Variants in TXNDC5 observed in about 807,000 individuals in gnomAD.
TXNDC5 encodes thioredoxin domain containing 5, also known as thioredoxin domain-containing protein 5.
In TXNDC5, 44 loss-of-function variants were observed where a neutral mutation model predicts 52.6. The observed-to-expected ratio is 0.84, with a 90% CI of 0.66 to 1.08. The LOEUF (loss-of-function observed/expected upper bound fraction) is 1.08. TXNDC5 is among the 50% of genes least tolerant of loss of function. The pLI is 0.00. For missense variants in TXNDC5, 600 were observed against 565.5 expected, an observed-to-expected ratio of 1.06 and a Z score of -0.62; for synonymous variants, 241 against 234.4, an observed-to-expected ratio of 1.03 and a Z score of -0.26.
intron 2 of TXNDC5, among the ~76,000 whole-genome samples, chr6:7,903,710 C>T (rs1760643616): frequency 1.3e-5 from 2 of 152,186 alleles, no homozygotes; most frequent in African/African-American, 4.8e-5. Flanking sequence ...GACTTCATTC[C>T]TCAATTGAAA....
Position 7,910,498 on chromosome 6 carries a change from G to T in TXNDC5, c.263+16C>A. ...GCGCCAAGTGCGGGGCAGGGCGCCG[G>T]CCTGCGCGGCGTTACCAGGGCGCGA... On this transcript the variant is annotated intron_variant, in intron 1 of 9. Coordinates refer to ENST00000379757, the MANE Select transcript of TXNDC5 (RefSeq NM_030810.5). The T allele has an allele frequency of 7.0e-7, 1 of 1,426,760 alleles. No individual in the cohort carries two copies. The highest frequency in any genetic ancestry group is 9.3e-7 in the Non-Finnish European group (1 of 1,077,476). The allele number at this position is 1,426,760 out of a possible 1,614,324, so 88.4% of individuals were successfully genotyped here.
rs1581300635 is a variant in TXNDC5 at position 7,881,910 on chromosome 6, G to C, written c.*1234C>G. The stretch of plus-strand genomic sequence containing the variant: ...TATGGGAAGTAGCTCGATGGTAAAA[G>C]GACAAACACCTATCTATCTTAGAGC... On this transcript the variant is annotated 3_prime_UTR_variant, in exon 10 of 10. Transcript: ENST00000379757. The C allele has an allele frequency of 7.0e-6, 1 of 142,416 alleles. No homozygotes were observed. Among genetic ancestry groups the C allele is most frequent in the East Asian group, 2.0e-4 (1 of 5,118 alleles). The allele number at this position is 142,416 out of a possible 1,614,324, so 8.8% of individuals were successfully genotyped here.
Position 7,883,232 on chromosome 6 carries a change from C to CA in TXNDC5, c.1210_1211insT (p.Gly404ValfsTer7), listed in dbSNP as rs769574071. The CA allele has an allele frequency of 5.0e-6, 8 of 1,614,074 alleles. No individual in the cohort carries two copies. In the African/African-American group the frequency reaches 9.3e-5, roughly 19 times the overall value. ...ACTGTGCTCACTGACTTTCTTCCCT[C>CA]CTCGGAAAAGCAATAACGTGGGGTA... On this transcript the variant is annotated frameshift_variant, in exon 10 of 10. Transcript: ENST00000379757. LOFTEE classifies it high-confidence loss of function.
At chr6:7,895,794 C>T (rs1760349521) in intron 3 of TXNDC5, among the ~76,000 whole-genome samples, 1 of 152,008 alleles carries the variant, frequency 6.6e-6, no homozygotes, top group South Asian at 2.1e-4. Context: ...AGTTCAAGAC[C>T]AGCCTAGGCA....
rs1273807701 is a variant in TXNDC5 at position 7,881,905 on chromosome 6, T to TA, written c.*1238dup. The TA allele has an allele frequency of 1.4e-5, 2 of 144,152 alleles. No individual in the cohort carries two copies. The highest frequency in any genetic ancestry group is 3.0e-5 in the Non-Finnish European group (2 of 67,348). The allele number at this position is 144,152 out of a possible 1,614,324, so 8.9% of individuals were successfully genotyped here. A position where few individuals can be genotyped will look rare whatever the true frequency, so the allele number is the denominator to read the frequency against. ...GTTATTATGGGAAGTAGCTCGATGG[T>TA]AAAAGGACAAACACCTATCTATCTT... is the stretch of plus-strand genomic sequence containing the variant. On this transcript the variant is annotated 3_prime_UTR_variant, in exon 10 of 10. Coordinates refer to ENST00000379757, the MANE Select transcript of TXNDC5 (RefSeq NM_030810.5).
chr6:7,905,866 G>C (rs964368733), intron 1 of TXNDC5, among the ~76,000 whole-genome samples: 1 of 152,016 alleles, frequency 6.6e-6, no homozygotes, highest in South Asian at 2.1e-4. Flanking sequence ...AACACTCAAC[G>C]CTTAGAATTG....
chr6:7,896,876 C>T (rs1028546319), intron 3 of TXNDC5, among the ~76,000 whole-genome samples: 5 of 152,200 alleles, frequency 3.3e-5, no homozygotes, highest in African/African-American at 7.2e-5. Context: ...TCTTGCCCTA[C>T]AGTGGCAGCA....
chr6:7,899,793 C>A, intron 2 of TXNDC5, 112 bp from the exon 3 acceptor site: 4 of 661,272 alleles, frequency 6.0e-6, no homozygotes, highest in Non-Finnish European at 1.0e-5. Context: ...TGCAGCCAGG[C>A]ATGTATCTGC....
chr6:7,895,908 A>G lies in TXNDC5; in HGVS notation c.520-706T>C, dbSNP rs150707978. On this transcript the variant is annotated intron_variant, in intron 3 of 9. Transcript: ENST00000379757. Reference sequence around the variant, plus strand: ...CTTGGGAGGCTGAGGTGGGAGGATCACTTGATCCCAGGGGGTGGAGGCTGC... The same window carrying G: ...CTTGGGAGGCTGAGGTGGGAGGATCGCTTGATCCCAGGGGGTGGAGGCTGC... Among the ~76,000 whole-genome samples the G allele has an allele frequency of 1.5e-3, 227 of 152,258 alleles. 4 individuals carry two copies. In the East Asian group the frequency reaches 0.037, roughly 25 times the overall value.
At position 7,909,701 on chromosome 6, in the gene TXNDC5, G is replaced by A. The variant is rs375666384; in HGVS notation, c.263+813C>T. 1.7e-4 allele frequency: 154 copies of A among 895,338 alleles called. 1 individual carries two copies. The African/African-American group carries it at 2.6e-3, about 15-fold the overall frequency. 55.5% of individuals were successfully genotyped at this position (895,338 alleles called of 1,614,324 possible). On this transcript the variant is annotated intron_variant, in intron 1 of 9. Transcript: ENST00000379757. ...CCACCCTGAGCTGCAGGGGGGCGGA[G>A]GGGTTCCAGAATTCGCACTACCTTG...
At chr6:7,896,234 A>G (rs1760365065) in intron 3 of TXNDC5, among the ~76,000 whole-genome samples, 1 of 152,206 alleles carries the variant, frequency 6.6e-6, no homozygotes, top group Admixed American at 6.5e-5. Flanking sequence ...TCAAGAAAGA[A>G]TGTAATTCAT....
chr6:7,909,926 G>A, intron 1 of TXNDC5: 2 of 986,058 alleles, frequency 2.0e-6, no homozygotes, highest in East Asian at 1.1e-4. Context: ...GAGTGCACGT[G>A]GCCCACGGGC....
Position 7,910,538 on chromosome 6 carries a change from T to C in TXNDC5, c.239A>G (p.His80Arg). The C allele has an allele frequency of 6.9e-7, 1 of 1,455,488 alleles. No homozygotes were observed. Among genetic ancestry groups the C allele is most frequent in the Non-Finnish European group, 9.1e-7 (1 of 1,094,216 alleles). 90.2% of individuals were successfully genotyped at this position (1,455,488 alleles called of 1,614,324 possible). The change falls in exon 1 of 10, where the codon CAC (histidine) becomes CGC (arginine). Residue 80 changes from histidine to arginine, a missense_variant. His to Arg is a conservative substitution (Grantham distance 29). Transcript: ENST00000379757. ...MFTHGIQSAA[H>R]FVMFFAPWCG... is the part of the protein sequence containing the mutation. ...CCAGGGCGCGAAGAACATGACGAAG[T>C]GCGCGGCGCTCTGGATCCCGTGCGT...
chr6:7,894,706 G>A (rs1760307039), intron 4 of TXNDC5: 1 of 984,850 alleles, frequency 1.0e-6, no homozygotes, highest in South Asian at 4.7e-5. Context: ...GTAAGCACAA[G>A]CTGCTGGAAA....
intron 5 of TXNDC5, among the ~76,000 whole-genome samples, chr6:7,890,565 G>A (rs1760155648): frequency 6.6e-6 from 1 of 152,078 alleles, no homozygotes; most frequent in African/African-American, 2.4e-5. Flanking sequence ...AATTAAGTAA[G>A]GATACAAGGA....
At chr6:7,887,500 CT>C (rs1192148387) in intron 7 of TXNDC5, among the ~76,000 whole-genome samples, 2 of 95,948 alleles carry the variant, frequency 2.1e-5, no homozygotes, top group Non-Finnish European at 3.6e-5. Flanking sequence ...CCCTCCCTCC[CT>C]CTCCGCGCTG....
At chr6:7,908,974 T>C (rs572315802) in intron 1 of TXNDC5, among the ~76,000 whole-genome samples, 2 of 152,368 alleles carry the variant, frequency 1.3e-5, no homozygotes, top group South Asian at 4.1e-4. Flanking sequence ...AAACTGTTAA[T>C]ACTGCCTGAT....
chr6:7,896,334 G>C (rs930995548), intron 3 of TXNDC5, among the ~76,000 whole-genome samples: 4 of 152,220 alleles, frequency 2.6e-5, no homozygotes, highest in African/African-American at 9.7e-5. Flanking sequence ...GTGTGCAGCT[G>C]TCTAGTCACA....
chr6:7,889,929 G>A (rs1003840051), intron 5 of TXNDC5, among the ~76,000 whole-genome samples: 1 of 152,138 alleles, frequency 6.6e-6, no homozygotes, highest in African/African-American at 2.4e-5. Context: ...TGGTGGGAGG[G>A]GGGTTAGCCT....
Sources: gnomAD v4.1 joint callset for allele counts (sites outside exome capture counted in the v4.1 genomes callset) on GRCh38, gnomAD v4.1.1 for gene constraint, MANE v1.5 for transcripts, NCBI Gene and HGNC (gene_info 2026-07-23, HGNC 2026-07-21) for gene names.